Variants in RANBP3L observed in about 807,000 individuals in gnomAD.
The protein encoded by RANBP3L is RAN binding protein 3 like, also known as ran-binding protein 3-like.
RANBP3L carries 56 observed loss-of-function variants against 67.2 expected under a neutral mutation model. The observed-to-expected ratio is 0.83, with a 90% confidence interval of 0.67 to 1.04. The LOEUF (loss-of-function observed/expected upper bound fraction) is 1.04, where lower values mean the gene tolerates loss of function less well. Among genes scored for constraint, RANBP3L ranks in the 50% least tolerant of loss-of-function variants. The pLI is 0.00. For missense variants in RANBP3L, 496 were observed against 535.5 expected (o/e 0.93, Z 0.73); for synonymous variants, 164 against 181.4 (o/e 0.90, Z 0.77).
Position 36,257,062 on chromosome 5 carries a change from G to A in RANBP3L, c.782C>T (p.Ser261Phe). The A allele has an allele frequency of 6.2e-7, 1 of 1,611,030 alleles. No individual in the cohort carries two copies. Among genetic ancestry groups the A allele is most frequent in the East Asian group, 2.2e-5 (1 of 44,788 alleles). Residue 261 changes from serine (S) to phenylalanine (F), a missense_variant, in exon 10 of 14, where the codon TCT becomes TTT. Ser to Phe is a radical substitution (Grantham distance 155). Transcript: ENST00000296604. ...TTCAATTAGGGAAGTATTTTTAATA[G>A]AGTCTGTTCCTAAGAGAAAATGGGG... Reference protein sequence around the residue: ...PVNFLSSRTDSIKNTSLIESA... With the variant: ...PVNFLSSRTDFIKNTSLIESA...
intron 1 of RANBP3L, among the ~76,000 whole-genome samples, chr5:36,294,435 C>G (rs1036233163): frequency 3.3e-5 from 5 of 151,630 alleles, no homozygotes; most frequent in African/African-American, 1.2e-4. Context: ...ATTTCTTGCC[C>G]TCTGCTAGCT....
chr5:36,282,786 G>GA (rs988450093), intron 1 of RANBP3L, among the ~76,000 whole-genome samples: 15 of 152,034 alleles, frequency 9.9e-5, no homozygotes, highest in Admixed American at 5.9e-4. Context: ...CTCCTCTAGG[G>GA]AACCCCCAGG....
At chr5:36,265,977 CAAAAAAAAAAA>C (rs10717173) in intron 4 of RANBP3L, among the ~76,000 whole-genome samples, 5 of 76,084 alleles carry the variant, frequency 6.6e-5, no homozygotes, top group South Asian at 4.6e-4. Context: ...GACTCCATTT[CAAAAAAAAAAA>C]AAAAAAAAAA....
At chr5:36,285,264 G>T (rs1402179575) in intron 1 of RANBP3L, among the ~76,000 whole-genome samples, 4 of 152,190 alleles carry the variant, frequency 2.6e-5, no homozygotes, top group Non-Finnish European at 4.4e-5. Flanking sequence ...TACCACGAAA[G>T]AATAATTCTT....
chr5:36,278,075 G>A (rs1018824634), intron 1 of RANBP3L, among the ~76,000 whole-genome samples: 1 of 152,064 alleles, frequency 6.6e-6, no homozygotes, highest in Non-Finnish European at 1.5e-5. Context: ...TGGGATTTAT[G>A]GGAGCTACAA....
Position 36,255,497 on chromosome 5 carries a change from C to A in RANBP3L, c.997G>T (p.Asp333Tyr), listed in dbSNP as rs746839639. ...AGTCTTGACTGTAATGTTCCACAGTCAGTGCTTGCTGTGTCATTCAGTCTC... is the reference window on the plus strand; with the variant it reads ...AGTCTTGACTGTAATGTTCCACAGTAAGTGCTTGCTGTGTCATTCAGTCTC... ...TLRLNDTAST[D>Y]CGTLQSRLIM... is the part of the protein sequence containing the mutation. Residue 333 changes from aspartate (D) to tyrosine (Y), a missense_variant, in exon 11 of 14, where the codon GAC (aspartate) becomes TAC (tyrosine). Coordinates refer to ENST00000296604, the MANE Select transcript of RANBP3L (RefSeq NM_145000.5). 3.7e-6 allele frequency: 6 copies of A among 1,611,498 alleles called. No individual in the cohort carries two copies. In the South Asian group the frequency reaches 6.6e-5, roughly 18 times the overall value.
In RANBP3L at chr5:36,274,019, C is replaced by A. The variant is rs114268887; in HGVS notation, c.92-2708G>T. Among the ~76,000 whole-genome samples, 1,237 of 152,314 alleles carry A rather than the reference C, an allele frequency of 8.1e-3. 11 individuals carry two copies. Among genetic ancestry groups the A allele is most frequent in the Non-Finnish European group, 0.013 (857 of 68,028 alleles). ...GAAAAGCCAGCTGTAACCAATCCAG[C>A]TGTTTCTGTATGTCACTTCCATTTT... On this transcript the variant is annotated intron_variant, in intron 1 of 13. Transcript: ENST00000296604.
In RANBP3L at chr5:36,286,057, T is replaced by C. The variant is rs866145540; in HGVS notation, c.92-14746A>G. On this transcript the variant is annotated intron_variant, in intron 1 of 13. Coordinates refer to ENST00000296604, the MANE Select transcript of RANBP3L (RefSeq NM_145000.5). ...GAATACTGCCTGGGGAATGTCGTTT[T>C]GTCTGAGCAAACCTTAAGGAACAAA... Among the ~76,000 whole-genome samples the C allele has an allele frequency of 5.3e-5, 8 of 152,328 alleles. 1 individual carries two copies. Among genetic ancestry groups the C allele is most frequent in the Middle Eastern group, 6.8e-3 (2 of 294 alleles).
intron 1 of RANBP3L, among the ~76,000 whole-genome samples, chr5:36,282,170 G>C (rs1751017647): frequency 6.6e-6 from 1 of 152,200 alleles, no homozygotes; most frequent in African/African-American, 2.4e-5. Context: ...AACTCGCAGT[G>C]TGAAAATGCT....
In RANBP3L at chr5:36,301,727, TTAAC is replaced by T. The variant is rs1435618655; in HGVS notation, c.-315_-312del. The stretch of plus-strand genomic sequence containing the variant: ...TCCTTATAGAGTAAAATTCTACAAA[TTAAC>T]TATTTCTAACAGATTACACTTTTGT... On this transcript the variant is annotated 5_prime_UTR_variant, in exon 1 of 14. Transcript: ENST00000296604. 2 of 245,190 alleles carry T rather than the reference TTAAC, an allele frequency of 8.2e-6. No homozygotes were observed. Among genetic ancestry groups the T allele is most frequent in the Non-Finnish European group, 1.6e-5 (2 of 126,428 alleles). The allele number at this position is 245,190 out of a possible 1,614,324, so 15.2% of individuals were successfully genotyped here.
Position 36,257,047 on chromosome 5 carries a change from G to A in RANBP3L, c.797C>T (p.Ser266Phe). The change falls in exon 10 of 14, where the codon TCC becomes TTC. Residue 266 changes from serine to phenylalanine, a missense_variant. Ser to Phe is a radical substitution (Grantham distance 155). Coordinates refer to ENST00000296604, the MANE Select transcript of RANBP3L (RefSeq NM_145000.5). ...GAATGCAGCAGCTGATTCAATTAGGGAAGTATTTTTAATAGAGTCTGTTCC... is the reference window on the plus strand; with the variant it reads ...GAATGCAGCAGCTGATTCAATTAGGAAAGTATTTTTAATAGAGTCTGTTCC... ...SSRTDSIKNT[S>F]LIESAAAFSS... The A allele has an allele frequency of 1.2e-6, 2 of 1,612,184 alleles. No individual in the cohort carries two copies. The highest frequency in any genetic ancestry group is 1.7e-4 in the Middle Eastern group (1 of 6,052).
intron 3 of RANBP3L, 109 bp downstream of exon 3, chr5:36,269,842 A>G (rs921083570): frequency 2.2e-5 from 21 of 955,036 alleles, no homozygotes; most frequent in African/African-American, 3.3e-5. Flanking sequence ...ATTTAAAAAA[A>G]GAAAAAACAT....
chr5:36,252,629 T>C (rs1343088353), intron 12 of RANBP3L, among the ~76,000 whole-genome samples: 1 of 152,078 alleles, frequency 6.6e-6, no homozygotes, highest in East Asian at 1.9e-4. Flanking sequence ...TACTAAAATA[T>C]AAGACCAAAA....
intron 7 of RANBP3L, among the ~76,000 whole-genome samples, 172 bp downstream of exon 7, chr5:36,261,767 C>T (rs916394827): frequency 1.3e-4 from 20 of 152,058 alleles, no homozygotes; most frequent in African/African-American, 4.3e-4. Context: ...ATTTAAGAAT[C>T]GAAATATTTT....
intron 1 of RANBP3L, among the ~76,000 whole-genome samples, chr5:36,292,281 T>C (rs1326726722): frequency 2.6e-5 from 4 of 151,912 alleles, no homozygotes; most frequent in African/African-American, 4.8e-5. Flanking sequence ...TTTGAGTTCA[T>C]TGTAGATTCT....
Position 36,248,696 on chromosome 5 carries a change from G to A in RANBP3L, c.*958C>T, listed in dbSNP as rs1023340687. 2 of 152,096 alleles carry A rather than the reference G, an allele frequency of 1.3e-5. No homozygotes were observed. The highest frequency in any genetic ancestry group is 4.8e-5 in the African/African-American group (2 of 41,440). 9.4% of individuals were successfully genotyped at this position (152,096 alleles called of 1,614,324 possible). A position where few individuals can be genotyped will look rare whatever the true frequency, so the allele number is the denominator to read the frequency against. ...CAAAGTCACTTCGAAGCCATGGTGTGATAAAACTGAATTGAAAAATGAAAT... is the reference window on the plus strand; with the variant it reads ...CAAAGTCACTTCGAAGCCATGGTGTAATAAAACTGAATTGAAAAATGAAAT... On this transcript the variant is annotated 3_prime_UTR_variant, in exon 14 of 14. Coordinates refer to ENST00000296604, the MANE Select transcript of RANBP3L (RefSeq NM_145000.5).
intron 11 of RANBP3L, 102 bp from the exon 12 acceptor site, chr5:36,253,891 T>C: frequency 1.8e-6 from 2 of 1,102,050 alleles, no homozygotes; most frequent in South Asian, 1.8e-5. Context: ...TTTCAGACTG[T>C]AGATTCAATA....
chr5:36,269,254 G>A, intron 4 of RANBP3L, 136 bp downstream of exon 4: 1 of 617,388 alleles, frequency 1.6e-6, no homozygotes, highest in Non-Finnish European at 3.0e-6. Context: ...ATAGCTTGTT[G>A]TTTTCACGTA....
In RANBP3L at chr5:36,294,830, A is replaced by G. The variant is rs546289040; in HGVS notation, c.91+6496T>C. ...TATATGTATGTATGTTTATATATAC[A>G]TATATATGACATATAAACATATATA... On this transcript the variant is annotated intron_variant, in intron 1 of 13. Coordinates refer to ENST00000296604, the MANE Select transcript of RANBP3L (RefSeq NM_145000.5). Among the ~76,000 whole-genome samples the G allele has an allele frequency of 3.4e-5, 5 of 148,592 alleles. No individual in the cohort carries two copies. In the South Asian group the frequency reaches 1.1e-3, roughly 31 times the overall value.
Sources: allele counts gnomAD v4.1 joint callset (sites outside exome capture counted in the v4.1 genomes callset), GRCh38; gene constraint gnomAD v4.1.1; transcripts MANE v1.5; gene names NCBI Gene and HGNC (gene_info 2026-07-23, HGNC 2026-07-21).